The following ZFYVE1 variants were observed in gnomAD, a reference collection of about 807,000 sequenced individuals.
ZFYVE1 encodes the protein zinc finger FYVE domain-containing protein 1.
Under a neutral mutation model 74.4 loss-of-function variants are expected in ZFYVE1, and 30 were observed. The ratio of observed to expected loss-of-function variants is 0.40; its 90% CI spans 0.30 to 0.55. ZFYVE1 has a LOEUF of 0.55. Ranked by LOEUF, ZFYVE1 falls within the 20% of genes least tolerant of loss-of-function variation. The pLI is 0.42. For missense variants in ZFYVE1, 703 were observed against 1,011.6 expected (o/e 0.69, Z 4.14); for synonymous variants, 335 against 385.1 (o/e 0.87, Z 1.52).
chr14:73,025,623 G>A (rs1894442869), intron 1 of ZFYVE1, among the ~76,000 whole-genome samples: 1 of 149,516 alleles, frequency 6.7e-6, no homozygotes, highest in Non-Finnish European at 1.5e-5. Context: ...TTGAACCCAG[G>A]AGGCGGAGGT....
chr14:73,024,378 C>A lies in ZFYVE1; in HGVS notation c.131G>T (p.Arg44Leu). ...CDECCSLQCL[R>L]CEEELHRQER... ...CTGCCGATGGAGCTCCTCCTCGCAG[C>A]GGAGACACTGCAGACTGCAGCACTC... Residue 44 changes from arginine to leucine, a missense_variant, in exon 2 of 12, where the codon CGC becomes CTC. Physicochemically the swap from Arg to Leu is moderately radical, Grantham distance 102. Coordinates refer to ENST00000556143, the MANE Select transcript of ZFYVE1 (RefSeq NM_021260.4). The A allele has an allele frequency of 6.2e-7, 1 of 1,614,156 alleles. No individual in the cohort carries two copies.
intron 3 of ZFYVE1, among the ~76,000 whole-genome samples, chr14:72,996,771 G>A (rs1007934): frequency 0.33 from 49,517 of 152,030 alleles, 8,946 homozygotes; most frequent in Non-Finnish European, 0.41. Flanking sequence ...AACACCGTGC[G>A]GTCGCCCCAA....
chr14:72,998,481 G>C (rs1342827817), intron 2 of ZFYVE1, among the ~76,000 whole-genome samples, 166 bp from the exon 3 acceptor site: 1 of 151,806 alleles, frequency 6.6e-6, no homozygotes, highest in African/African-American at 2.4e-5. Flanking sequence ...ACAGCTCAAA[G>C]GAACCTCTGA....
At chr14:73,026,733 G>T (rs925855005) in intron 1 of ZFYVE1, among the ~76,000 whole-genome samples, 193 bp downstream of exon 1, 2 of 151,346 alleles carry the variant, frequency 1.3e-5, no homozygotes, top group African/African-American at 4.9e-5. Flanking sequence ...GAACAAAGAA[G>T]GTCCCCCAAA....
At chr14:72,976,407 T>C (rs1201379878) in intron 8 of ZFYVE1, among the ~76,000 whole-genome samples, 1 of 152,186 alleles carries the variant, frequency 6.6e-6, no homozygotes, top group Non-Finnish European at 1.5e-5. Context: ...TAAACCATTA[T>C]GCCAAGGAGG....
intron 4 of ZFYVE1, among the ~76,000 whole-genome samples, chr14:72,990,516 C>A (rs7156093): frequency 0.12 from 17,953 of 151,430 alleles, 2,590 homozygotes; most frequent in African/African-American, 0.35. Context: ...CCTGCCTCAG[C>A]CTCCTGAGTA....
chr14:72,991,211 A>G (rs1465217156), intron 4 of ZFYVE1, among the ~76,000 whole-genome samples: 3 of 112,492 alleles, frequency 2.7e-5, no homozygotes, highest in Admixed American at 2.4e-4. Context: ...TTTTTTTGAG[A>G]CGGAGTCTCG....
chr14:72,991,611 C>T (rs547700476), intron 4 of ZFYVE1, among the ~76,000 whole-genome samples: 18 of 152,230 alleles, frequency 1.2e-4, no homozygotes, highest in African/African-American at 3.9e-4. Context: ...AGCCCCTTTG[C>T]CTGATTCAGC....
At position 73,007,016 on chromosome 14, in the gene ZFYVE1, A is replaced by G. The variant is rs79084006; in HGVS notation, c.484-8701T>C. On this transcript the variant is annotated intron_variant, in intron 2 of 11. Coordinates refer to ENST00000556143, the MANE Select transcript of ZFYVE1 (RefSeq NM_021260.4). ...GGATAAGCCACTGCGCCCAGCCCCA[A>G]TTTAGAATTCAGAATAGTTCATGGT... Among the ~76,000 whole-genome samples, 616 of 152,028 alleles carry G rather than the reference A, an allele frequency of 4.1e-3. 27 individuals carry two copies. In the East Asian group the frequency reaches 0.11, roughly 27 times the overall value.
chr14:73,008,925 T>A (rs1894033928), intron 2 of ZFYVE1, among the ~76,000 whole-genome samples: 1 of 152,162 alleles, frequency 6.6e-6, no homozygotes, highest in Non-Finnish European at 1.5e-5. Flanking sequence ...AACCCTTCTC[T>A]TGCTCAAAGC....
In ZFYVE1 at chr14:73,024,234, C is replaced by T. The variant is rs190551737; in HGVS notation, c.275G>A (p.Cys92Tyr). ...GCACAAGTTAATTTTGCAGGTCTGG[C>T]ACCTCACTATTGCCCTCTGCCTAAC... ...PGVRQRAIVR[C>Y]QTCKINLCLE... The change falls in exon 2 of 12, where the codon TGC becomes TAC. Residue 92 changes from cysteine (C) to tyrosine (Y), a missense_variant. Cys to Tyr is a radical substitution (Grantham distance 194). This residue lies in a region of ZFYVE1 where 211 missense variants were observed against 221.7 expected (regional missense o/e 0.95). Transcript: ENST00000556143. 6.2e-7 allele frequency: 1 copy of T among 1,614,182 alleles called. No individual in the cohort carries two copies. Among genetic ancestry groups the T allele is most frequent in the East Asian group, 2.2e-5 (1 of 44,892 alleles).
At chr14:72,981,338 T>C (rs760911393) in intron 5 of ZFYVE1, among the ~76,000 whole-genome samples, 10 of 152,128 alleles carry the variant, frequency 6.6e-5, no homozygotes, top group South Asian at 2.1e-4. Flanking sequence ...TTTCCCCTAA[T>C]AGTGAAAGGA....
chr14:73,008,023 C>A (rs1400611728), intron 2 of ZFYVE1, among the ~76,000 whole-genome samples: 1 of 152,202 alleles, frequency 6.6e-6, no homozygotes, highest in Non-Finnish European at 1.5e-5. Context: ...CTAGTGTCCC[C>A]AAAGTGTTCC....
chr14:73,015,865 T>G (rs1418948060), intron 2 of ZFYVE1, among the ~76,000 whole-genome samples: 3 of 151,780 alleles, frequency 2.0e-5, no homozygotes, highest in Non-Finnish European at 2.9e-5. Flanking sequence ...AGGTGGAGAT[T>G]GCAGTGAGCT....
intron 5 of ZFYVE1, among the ~76,000 whole-genome samples, chr14:72,979,464 C>G (rs946011640): frequency 1.3e-5 from 2 of 151,272 alleles, no homozygotes; most frequent in Non-Finnish European, 2.9e-5. Context: ...CCAGCCTGAC[C>G]AACATGGAGA....
chr14:72,974,744 C>A, intron 10 of ZFYVE1, 35 bp downstream of exon 10: 1 of 1,570,130 alleles, frequency 6.4e-7, no homozygotes. Context: ...GGAGGTTCTC[C>A]CCTCCACCCC....
chr14:72,984,312 C>T (rs1014384719), intron 4 of ZFYVE1, among the ~76,000 whole-genome samples: 2 of 152,040 alleles, frequency 1.3e-5, no homozygotes, highest in Non-Finnish European at 2.9e-5. Context: ...GGGTGGATCA[C>T]GAGGTCAGGA....
At chr14:73,002,589 T>G (rs1893895043) in intron 2 of ZFYVE1, among the ~76,000 whole-genome samples, 1 of 151,662 alleles carries the variant, frequency 6.6e-6, no homozygotes, top group African/African-American at 2.4e-5. Flanking sequence ...ATTACAGGCA[T>G]GCGCTGTCAT....
Position 72,996,732 on chromosome 14 carries a change from C to T in ZFYVE1, c.988+1079G>A, listed in dbSNP as rs114165317. Among the ~76,000 whole-genome samples the T allele has an allele frequency of 8.7e-3, 1,328 of 152,280 alleles. 15 individuals carry two copies. The highest frequency in any genetic ancestry group is 0.03 in the African/African-American group (1,261 of 41,548). ...TCCTTGCTCTGGACTCCCACAGCAC[C>T]GTACCTGTAAGTACGGAGGTATGCA... On this transcript the variant is annotated intron_variant, in intron 3 of 11. Transcript: ENST00000556143.
Sources: gnomAD v4.1 joint callset for allele counts (sites outside exome capture counted in the v4.1 genomes callset) on GRCh38, gnomAD v4.1.1 for gene constraint, gnomAD v4.1.1 regional missense constraint, MANE v1.5 for transcripts, NCBI Gene and HGNC (gene_info 2026-07-23, HGNC 2026-07-21) for gene names.